The following NAPB variants were observed in gnomAD, a reference collection of about 807,000 sequenced individuals.
The protein encoded by NAPB is beta-soluble NSF attachment protein.
NAPB carries 26 observed loss-of-function variants against 44.7 expected under a neutral mutation model. The ratio of observed to expected loss-of-function variants is 0.58; its 90% CI spans 0.43 to 0.81. The LOEUF (loss-of-function observed/expected upper bound fraction) is 0.81, where lower values mean the gene tolerates loss of function less well. NAPB is among the 30% of genes least tolerant of loss of function. NAPB has a pLI of 0.00. For missense variants in NAPB, 315 were observed against 356.4 expected (o/e 0.88, Z 0.94); for synonymous variants, 120 against 116.8 (o/e 1.03, Z -0.18).
intron 9 of NAPB, 125 bp downstream of exon 9, chr20:23,379,742 A>C: frequency 1.4e-6 from 1 of 735,834 alleles, no homozygotes; most frequent in Non-Finnish European, 2.3e-6. Flanking sequence ...GAAAGCAGGA[A>C]AGTACCAGGG....
chr20:23,404,152 C>T (rs1304631643), intron 1 of NAPB, among the ~76,000 whole-genome samples: 1 of 152,162 alleles, frequency 6.6e-6, no homozygotes, highest in Non-Finnish European at 1.5e-5. Context: ...CCAGAGTTAA[C>T]TTTGCTTTTA....
intron 2 of NAPB, 132 bp from the exon 3 acceptor site, chr20:23,397,320 A>C: frequency 8.6e-7 from 1 of 1,162,286 alleles, no homozygotes; most frequent in Non-Finnish European, 1.2e-6. Flanking sequence ...GCAAAAATCC[A>C]TGTGGTCCAG....
intron 2 of NAPB, among the ~76,000 whole-genome samples, chr20:23,401,718 T>C (rs1302329819): frequency 6.6e-6 from 1 of 152,002 alleles, no homozygotes; most frequent in African/African-American, 2.4e-5. Flanking sequence ...CCGTCTCTAC[T>C]AAAATACAAA....
At chr20:23,385,356 G>A (rs1983411485) in intron 7 of NAPB, among the ~76,000 whole-genome samples, 1 of 152,174 alleles carries the variant, frequency 6.6e-6, no homozygotes, top group Non-Finnish European at 1.5e-5. Flanking sequence ...GCAATCCAGA[G>A]CTGCAAAGTA....
intron 7 of NAPB, among the ~76,000 whole-genome samples, chr20:23,387,891 G>A (rs572207364): frequency 1.3e-5 from 2 of 152,302 alleles, no homozygotes; most frequent in East Asian, 3.9e-4. Flanking sequence ...GAGTGTGTCT[G>A]TGGGGTGTTT....
intron 1 of NAPB, 39 bp from the exon 2 acceptor site, chr20:23,403,111 C>A: frequency 7.0e-7 from 1 of 1,437,696 alleles, no homozygotes; most frequent in South Asian, 1.2e-5. Context: ...AACAACCATC[C>A]ACATCTCTAA....
chr20:23,385,763 A>T (rs201161859), intron 7 of NAPB, among the ~76,000 whole-genome samples: 2 of 149,178 alleles, frequency 1.3e-5, no homozygotes, highest in Admixed American at 6.7e-5. Flanking sequence ...GAAAGAGAGA[A>T]AGAGAGAGAG....
At chr20:23,419,721 AAT>A (rs1343200511) in intron 1 of NAPB, among the ~76,000 whole-genome samples, 1 of 152,244 alleles carries the variant, frequency 6.6e-6, no homozygotes, top group East Asian at 1.9e-4. Flanking sequence ...AACAAAACAT[AAT>A]TCATAGCTAT....
At chr20:23,420,414 T>C (rs888587595) in intron 1 of NAPB, among the ~76,000 whole-genome samples, 1 of 150,702 alleles carries the variant, frequency 6.6e-6, no homozygotes, top group Admixed American at 6.6e-5. Context: ...TTACTAAAGG[T>C]GTACTCGGCG....
intron 1 of NAPB, among the ~76,000 whole-genome samples, chr20:23,419,140 A>C (rs557093814): frequency 1.3e-5 from 2 of 152,266 alleles, no homozygotes; most frequent in South Asian, 4.1e-4. Flanking sequence ...AACTCCCATA[A>C]ATTTTGAGAT....
intron 1 of NAPB, among the ~76,000 whole-genome samples, chr20:23,411,559 A>C (rs1985657255): frequency 6.6e-6 from 1 of 152,160 alleles, no homozygotes; most frequent in African/African-American, 2.4e-5. Context: ...GTTGTATTGT[A>C]GATCTAAGAC....
chr20:23,396,965 T>C, intron 3 of NAPB, 107 bp downstream of exon 3: 1 of 1,204,476 alleles, frequency 8.3e-7, no homozygotes, highest in Non-Finnish European at 1.1e-6. Flanking sequence ...CAAAAATTCC[T>C]TTTTACCAGG....
chr20:23,415,190 T>C (rs945904528), intron 1 of NAPB, among the ~76,000 whole-genome samples: 17 of 152,200 alleles, frequency 1.1e-4, no homozygotes, highest in African/African-American at 3.9e-4. Flanking sequence ...TCTAAAATTA[T>C]TTAGAAATAT....
Position 23,379,941 on chromosome 20 carries a change from A to C in NAPB, c.667-6T>G. 6.2e-7 allele frequency: 1 copy of C among 1,611,970 alleles called. No individual in the cohort carries two copies. The highest frequency in any genetic ancestry group is 8.5e-7 in the Non-Finnish European group (1 of 1,178,578). Reference sequence around the variant, plus strand: ...TCATATTTCTCAAGAGCAAGCTGAGAGAGAAAAACCACTCATCAATTTCAG... The same window carrying C: ...TCATATTTCTCAAGAGCAAGCTGAGCGAGAAAAACCACTCATCAATTTCAG... On this transcript the variant is annotated splice_polypyrimidine_tract_variant and splice_region_variant and intron_variant, in intron 8 of 10. Coordinates refer to ENST00000377026, the MANE Select transcript of NAPB (RefSeq NM_022080.3).
At position 23,403,224 on chromosome 20, in the gene NAPB, C is replaced by T. The variant is rs1984979698; in HGVS notation, c.99-152G>A. The T allele has an allele frequency of 4.8e-6, 3 of 631,506 alleles. No individual in the cohort carries two copies. The Admixed American group carries it at 9.0e-5, about 19-fold the overall frequency. 39.1% of individuals were successfully genotyped at this position (631,506 alleles called of 1,614,324 possible). On this transcript the variant is annotated intron_variant, in intron 1 of 10. Transcript: ENST00000377026. The stretch of plus-strand genomic sequence containing the variant: ...ATTTAAAGGAGATACTCTTACTATA[C>T]CTGTTTTCCAGATGAGGAAACTGGG...
intron 1 of NAPB, among the ~76,000 whole-genome samples, chr20:23,405,716 C>T (rs1187156087): frequency 2.6e-5 from 4 of 151,862 alleles, no homozygotes; most frequent in African/African-American, 4.8e-5. Flanking sequence ...ACAGAGACTC[C>T]GTCTCAAAAC....
intron 7 of NAPB, among the ~76,000 whole-genome samples, chr20:23,381,942 T>A (rs987111754): frequency 2.0e-5 from 3 of 152,144 alleles, no homozygotes; most frequent in African/African-American, 7.2e-5. Context: ...AGCACCCCAA[T>A]ACCTCTGCTT....
intron 7 of NAPB, among the ~76,000 whole-genome samples, chr20:23,387,338 A>T (rs1419076863): frequency 6.6e-6 from 1 of 152,210 alleles, no homozygotes; most frequent in Admixed American, 6.5e-5. Context: ...GAACAAGACA[A>T]GGATGTCTGC....
At chr20:23,395,597 A>G (rs1568611574) in intron 3 of NAPB, among the ~76,000 whole-genome samples, 1 of 152,222 alleles carries the variant, frequency 6.6e-6, no homozygotes, top group East Asian at 1.9e-4. Context: ...ACATGGCACC[A>G]CATCACAAGA....
Sources: gnomAD v4.1 joint callset for allele counts (sites outside exome capture counted in the v4.1 genomes callset) on GRCh38, gnomAD v4.1.1 for gene constraint, MANE v1.5 for transcripts, NCBI Gene and HGNC (gene_info 2026-07-23, HGNC 2026-07-21) for gene names.